ARB2A: variants seen among roughly 807,000 people sequenced by gnomAD.
ARB2A encodes ARB2 cotranscriptional regulator A.
the ARB2A span, among the ~76,000 whole-genome samples, chr5:93,803,226 A>G: frequency 6.6e-6 from 1 of 152,084 alleles, no homozygotes; most frequent in Non-Finnish European, 1.5e-5. Flanking sequence ...CTAAACATCA[A>G]GTAATTTTCT....
the ARB2A span, among the ~76,000 whole-genome samples, chr5:93,744,434 CAAAAAAAAAAAA>C: frequency 1.8e-3 from 26 of 14,536 alleles, no homozygotes; most frequent in East Asian, 0.011. Flanking sequence ...GACTCAGTCT[CAAAAAAAAAAAA>C]AAAAAAAAAA....
the ARB2A span, among the ~76,000 whole-genome samples, chr5:93,727,460 C>T: frequency 6.6e-6 from 1 of 152,008 alleles, no homozygotes; most frequent in Non-Finnish European, 1.5e-5. Flanking sequence ...AGTTGAGTTA[C>T]AAATAACTCA....
chr5:94,099,800 A>T, the ARB2A span, among the ~76,000 whole-genome samples: 1 of 152,088 alleles, frequency 6.6e-6, no homozygotes, highest in Non-Finnish European at 1.5e-5. Flanking sequence ...ACCTCAAAAT[A>T]AGAGATATCT....
chr5:94,105,076 A>G, the ARB2A span, among the ~76,000 whole-genome samples: 193 of 152,196 alleles, frequency 1.3e-3, no homozygotes, highest in South Asian at 5.8e-3. Flanking sequence ...TCCCTTGAAA[A>G]CCGGAACAAG....
At chr5:93,909,027 A>C in the ARB2A span, among the ~76,000 whole-genome samples, 1 of 151,030 alleles carries the variant, frequency 6.6e-6, no homozygotes, top group Admixed American at 6.6e-5. Context: ...AAAATAACAA[A>C]AGCTTTTTGA....
At chr5:93,927,719 A>C in the ARB2A span, among the ~76,000 whole-genome samples, 8 of 152,186 alleles carry the variant, frequency 5.3e-5, no homozygotes, top group African/African-American at 9.7e-5. Flanking sequence ...AGGTGTTAAA[A>C]TATTAAGAAA....
At chr5:94,080,632 T>G in the ARB2A span, among the ~76,000 whole-genome samples, 4 of 152,158 alleles carry the variant, frequency 2.6e-5, no homozygotes, top group African/African-American at 9.7e-5. Flanking sequence ...AGGTCATACC[T>G]TTCCACTGCT....
chr5:93,981,129 C>T, the ARB2A span, among the ~76,000 whole-genome samples: 8 of 150,406 alleles, frequency 5.3e-5, no homozygotes, highest in Admixed American at 2.0e-4. Context: ...TGTGCAATGG[C>T]GCGATCTCGG....
the ARB2A span, chr5:93,683,424 C>G: frequency 6.2e-7 from 1 of 1,601,712 alleles, no homozygotes; most frequent in East Asian, 2.2e-5. Context: ...AACCTTAAGA[C>G]CACTGGTGGT....
chr5:93,915,418 C>T, the ARB2A span, among the ~76,000 whole-genome samples: 1 of 151,392 alleles, frequency 6.6e-6, no homozygotes, highest in Non-Finnish European at 1.5e-5. Context: ...GATCCTAGAG[C>T]ATACCAGATA....
the ARB2A span, among the ~76,000 whole-genome samples, chr5:93,711,535 G>A: frequency 6.6e-6 from 1 of 152,104 alleles, no homozygotes; most frequent in South Asian, 2.1e-4. Context: ...CAGGACTTCC[G>A]AAGATGGCAA....
the ARB2A span, among the ~76,000 whole-genome samples, chr5:93,719,559 G>A: frequency 6.6e-6 from 1 of 152,284 alleles, no homozygotes; most frequent in South Asian, 2.1e-4. Flanking sequence ...CTTCCAGCCA[G>A]CATATTCCTT....
chr5:94,099,496 C>T, the ARB2A span, among the ~76,000 whole-genome samples: 14 of 151,582 alleles, frequency 9.2e-5, no homozygotes, highest in African/African-American at 1.7e-4. Context: ...TGGTGGTGGG[C>T]GCCTGTGGTC....
the ARB2A span, among the ~76,000 whole-genome samples, chr5:93,783,405 T>A: frequency 3.9e-5 from 6 of 152,150 alleles, no homozygotes; most frequent in Non-Finnish European, 5.9e-5. Flanking sequence ...AGACTGGTGA[T>A]AATATAATGC....
At chr5:94,020,281 T>A in the ARB2A span, among the ~76,000 whole-genome samples, 1 of 130,850 alleles carries the variant, frequency 7.6e-6, no homozygotes, top group African/African-American at 3.0e-5. Context: ...TGTTGGTGGG[T>A]AGGGGGCTGG....
chr5:93,668,287 T>C, the ARB2A span, among the ~76,000 whole-genome samples: 4 of 152,032 alleles, frequency 2.6e-5, no homozygotes, highest in Non-Finnish European at 2.9e-5. Context: ...TATTGTTTAG[T>C]AGAGTCAGGG....
chr5:93,778,160 T>G, the ARB2A span, among the ~76,000 whole-genome samples: 1 of 152,330 alleles, frequency 6.6e-6, no homozygotes, highest in Non-Finnish European at 1.5e-5. Context: ...ATACATATTC[T>G]ATAATGTGCT....
chr5:93,778,352 G>A, the ARB2A span, among the ~76,000 whole-genome samples: 3 of 152,184 alleles, frequency 2.0e-5, no homozygotes, highest in Non-Finnish European at 4.4e-5. Context: ...CAATTAGCCA[G>A]CTTTTATATA....
chr5:93,721,251 G>A, the ARB2A span, among the ~76,000 whole-genome samples: 1 of 152,050 alleles, frequency 6.6e-6, no homozygotes, highest in Admixed American at 6.6e-5. Flanking sequence ...AGTAATAGCT[G>A]GAAACCATAA....
Sources: allele counts gnomAD v4.1 joint callset (sites outside exome capture counted in the v4.1 genomes callset), GRCh38; gene constraint gnomAD v4.1.1; transcripts MANE v1.5; gene names NCBI Gene and HGNC (gene_info 2026-07-23, HGNC 2026-07-21).